Variants in LDLRAD3 observed in about 807,000 individuals in gnomAD.
LDLRAD3 encodes the protein low-density lipoprotein receptor class A domain-containing protein 3.
Under a neutral mutation model 29.4 loss-of-function variants are expected in LDLRAD3, and 20 were observed. The observed-to-expected ratio is 0.68, with a 90% CI of 0.48 to 0.99. LDLRAD3 has a LOEUF of 0.99. LDLRAD3 is among the 50% of genes least tolerant of loss of function. LDLRAD3 has a pLI of 0.00. For synonymous variants in LDLRAD3, 157 were observed against 192.7 expected (o/e 0.81, Z 1.53); for missense variants, 420 against 454.3 (o/e 0.92, Z 0.69).
intron 4 of LDLRAD3, among the ~76,000 whole-genome samples, chr11:36,181,587 G>A (rs112823199): frequency 1.3e-5 from 2 of 152,244 alleles, no homozygotes; most frequent in African/African-American, 4.8e-5. Context: ...TGGAGCCTCC[G>A]AAACGCCTCT....
chr11:35,994,261 C>T (rs752238706), intron 1 of LDLRAD3, among the ~76,000 whole-genome samples: 15 of 140,566 alleles, frequency 1.1e-4, no homozygotes, highest in Non-Finnish European at 1.9e-4. Flanking sequence ...GGCATGAACC[C>T]AGGAGGCAGA....
intron 4 of LDLRAD3, among the ~76,000 whole-genome samples, chr11:36,226,191 C>CT: frequency 6.6e-6 from 1 of 152,298 alleles, no homozygotes; most frequent in South Asian, 2.1e-4. Flanking sequence ...TCATTTCAGG[C>CT]TCACAGAAGC....
At chr11:35,994,417 TA>T (rs1182326259) in intron 1 of LDLRAD3, among the ~76,000 whole-genome samples, 12 of 148,602 alleles carry the variant, frequency 8.1e-5, no homozygotes, top group East Asian at 4.0e-4. Context: ...GCATTATATC[TA>T]AAAAAAAGTA....
At chr11:36,023,181 C>G (rs945779456) in intron 1 of LDLRAD3, among the ~76,000 whole-genome samples, 1 of 152,142 alleles carries the variant, frequency 6.6e-6, no homozygotes, top group South Asian at 2.1e-4. Flanking sequence ...TTTGATCTCC[C>G]TGGCGGGGTT....
At chr11:36,102,369 T>A (rs537871082) in intron 4 of LDLRAD3, among the ~76,000 whole-genome samples, 113 of 152,326 alleles carry the variant, frequency 7.4e-4, no homozygotes, top group African/African-American at 2.6e-3. Flanking sequence ...TTTATCTTGA[T>A]GGGGTAGAGC....
intron 1 of LDLRAD3, among the ~76,000 whole-genome samples, chr11:36,021,884 C>T (rs1247143595): frequency 6.6e-6 from 1 of 152,110 alleles, no homozygotes; most frequent in African/African-American, 2.4e-5. Context: ...CTTCTAGGCT[C>T]AAGTAATCCT....
intron 4 of LDLRAD3, among the ~76,000 whole-genome samples, chr11:36,112,977 C>T (rs1397557386): frequency 6.6e-6 from 1 of 151,090 alleles, no homozygotes; most frequent in Non-Finnish European, 1.5e-5. Flanking sequence ...TGGTCAGTGT[C>T]AGTCAGTCAT....
intron 4 of LDLRAD3, among the ~76,000 whole-genome samples, chr11:36,101,535 C>T (rs959598079): frequency 1.1e-4 from 17 of 152,144 alleles, no homozygotes; most frequent in Middle Eastern, 3.4e-3. Context: ...TAGAGAATTC[C>T]GTCATTTCCT....
chr11:36,192,415 T>G (rs1854968041), intron 4 of LDLRAD3, among the ~76,000 whole-genome samples: 1 of 152,224 alleles, frequency 6.6e-6, no homozygotes, highest in African/African-American at 2.4e-5. Context: ...ACCTGACTTT[T>G]TTCTCTGCAG....
chr11:36,146,891 G>A (rs1854202970), intron 4 of LDLRAD3, among the ~76,000 whole-genome samples: 1 of 151,204 alleles, frequency 6.6e-6, no homozygotes, highest in African/African-American at 2.4e-5. Context: ...CCAGCTTCAA[G>A]TGATTCTCTC....
chr11:36,167,265 C>T (rs1056439730), intron 4 of LDLRAD3, among the ~76,000 whole-genome samples: 5 of 152,120 alleles, frequency 3.3e-5, no homozygotes, highest in Admixed American at 2.0e-4. Flanking sequence ...AAGCCTTCAA[C>T]TGATTGGATG....
intron 2 of LDLRAD3, among the ~76,000 whole-genome samples, chr11:36,061,218 A>G (rs1485686945): frequency 6.6e-6 from 1 of 152,130 alleles, no homozygotes; most frequent in East Asian, 1.9e-4. Flanking sequence ...GGCTCACTGC[A>G]ACCTCCGCCT....
At chr11:35,986,350 A>G (rs1851614957) in intron 1 of LDLRAD3, among the ~76,000 whole-genome samples, 1 of 152,224 alleles carries the variant, frequency 6.6e-6, no homozygotes, top group Non-Finnish European at 1.5e-5. Context: ...TGTACAATAT[A>G]TGGTAAATTC....
At chr11:36,113,216 A>G (rs896541598) in intron 4 of LDLRAD3, among the ~76,000 whole-genome samples, 4 of 151,816 alleles carry the variant, frequency 2.6e-5, no homozygotes, top group Admixed American at 6.5e-5. Context: ...AAGCTGCCAT[A>G]ACAAAGAGAT....
chr11:36,079,258 C>A (rs960904875), intron 2 of LDLRAD3, among the ~76,000 whole-genome samples: 1 of 152,176 alleles, frequency 6.6e-6, no homozygotes, highest in Non-Finnish European at 1.5e-5. Flanking sequence ...TCACTTCATA[C>A]CAGTTTATAG....
At chr11:36,092,481 T>C (rs903761352) in intron 3 of LDLRAD3, among the ~76,000 whole-genome samples, 1 of 152,180 alleles carries the variant, frequency 6.6e-6, no homozygotes, top group African/African-American at 2.4e-5. Flanking sequence ...TATGTTTGTA[T>C]CCTTTAACCC....
At chr11:36,125,921 C>A (rs961322267) in intron 4 of LDLRAD3, among the ~76,000 whole-genome samples, 18 of 152,114 alleles carry the variant, frequency 1.2e-4, no homozygotes, top group African/African-American at 4.3e-4. Flanking sequence ...AAAAGGCTAC[C>A]CCCCTTGGAA....
intron 1 of LDLRAD3, among the ~76,000 whole-genome samples, chr11:35,948,580 C>T (rs1851090739): frequency 1.3e-5 from 2 of 152,150 alleles, no homozygotes; most frequent in African/African-American, 4.8e-5. Flanking sequence ...GGGAGAGCAG[C>T]CAGGTACTTT....
Position 35,965,698 on chromosome 11 carries a change from A to G in LDLRAD3, c.46+21554A>G, listed in dbSNP as rs186835788. Among the ~76,000 whole-genome samples, 672 of 152,342 alleles carry G rather than the reference A, an allele frequency of 4.4e-3. 13 individuals carry two copies. The highest frequency in any genetic ancestry group is 0.016 in the African/African-American group (645 of 41,576). On this transcript the variant is annotated intron_variant, in intron 1 of 5. Coordinates refer to ENST00000315571, the MANE Select transcript of LDLRAD3 (RefSeq NM_174902.4). ...ATTTAGCATCTGCCAGGCGTATGTT[A>G]GGAGAGAGGTCTGTCTCATTTAATG... is the stretch of plus-strand genomic sequence containing the variant.
Sources: gnomAD v4.1 joint callset for allele counts (sites outside exome capture counted in the v4.1 genomes callset) on GRCh38, gnomAD v4.1.1 for gene constraint, MANE v1.5 for transcripts, NCBI Gene and HGNC (gene_info 2026-07-23, HGNC 2026-07-21) for gene names.